MEGF8: variants seen among roughly 807,000 people sequenced by gnomAD.
MEGF8 encodes the protein multiple EGF like domains 8, also known as multiple epidermal growth factor-like domains protein 8.
Under a neutral mutation model 302.9 loss-of-function variants are expected in MEGF8, and 156 were observed. The observed-to-expected ratio is 0.52, with a 90% CI of 0.45 to 0.59. The LOEUF is 0.59. Among genes scored for constraint, MEGF8 ranks in the 20% least tolerant of loss-of-function variants. The probability of loss-of-function intolerance (pLI) is 0.00; values close to 1 mark genes in which losing one functional copy is unlikely to be tolerated. For missense variants in MEGF8, 3,345 were observed against 3,964.5 expected (o/e 0.84, Z 4.20); for synonymous variants, 1,621 against 1,660.5 (o/e 0.98, Z 0.58).
Position 42,356,909 on chromosome 19 carries a change from A to G in MEGF8, c.4758A>G (p.Gly1586=). 6.2e-7 allele frequency: 1 copy of G among 1,609,702 alleles called. No homozygotes were observed. Among genetic ancestry groups the G allele is most frequent in the Non-Finnish European group, 8.5e-7 (1 of 1,178,398 alleles). ...GTGGTGCCATGTATCTGCTGGGGGG[A>G]CTTACCGCTGGAGGCGTCACCCGTG... ...AGRGAMYLLG[G]LTAGGVTRDF... is the part of the protein sequence containing the mutation. Residue 1586 remains glycine, a synonymous_variant, in exon 27 of 42, where the codon GGA becomes GGG. Coordinates refer to ENST00000251268, the MANE Select transcript of MEGF8 (RefSeq NM_001271938.2). This position sits in a 1 kb window ranked among gnomAD's most constrained non-coding sequence, Gnocchi z 5.2.
Position 42,335,185 on chromosome 19 carries a change from T to A in MEGF8, c.709T>A (p.Ser237Thr), listed in dbSNP as rs559212665. The A allele has an allele frequency of 2.5e-6, 4 of 1,613,938 alleles. No homozygotes were observed. The African/African-American group carries it at 5.3e-5, about 22-fold the overall frequency. ...TATTGGGGCAGCTGGCGCCTTCCTG[T>A]CCCCACCAGGGCTGCTGGCAGTTTT... ...ARIGAAGAFLSPPGLLAVFGG... is the reference protein window; with the variant it reads ...ARIGAAGAFLTPPGLLAVFGG... Residue 237 changes from serine to threonine, a missense_variant, in exon 4 of 42, where the codon TCC becomes ACC. Transcript: ENST00000251268.
In MEGF8 at chr19:42,355,798, C is replaced by T. The variant is rs1401628613; in HGVS notation, c.4185C>T (p.Ser1395=). The T allele has an allele frequency of 2.5e-6, 4 of 1,580,488 alleles. No homozygotes were observed. Among genetic ancestry groups the T allele is most frequent in the South Asian group, 1.2e-5 (1 of 86,580 alleles). The change falls in exon 24 of 42, where the codon TCC becomes TCT. Residue 1395 remains serine (S), a synonymous_variant. Coordinates refer to ENST00000251268, the MANE Select transcript of MEGF8 (RefSeq NM_001271938.2). The part of the protein sequence containing the change: ...VLHWEANGSS[S]WGFNASVGSA... ...ACTGGGAGGCCAATGGCTCCTCATC[C>T]TGGGGCTTCAATGCTTCGGTGGGCT... is the stretch of plus-strand genomic sequence containing the variant.
chr19:42,346,725 C>A (rs556738166), intron 12 of MEGF8, among the ~76,000 whole-genome samples: 1 of 151,896 alleles, frequency 6.6e-6, no homozygotes, highest in East Asian at 1.9e-4. Flanking sequence ...TGGCTCACGC[C>A]GGTAATCCCA....
At chr19:42,337,243 G>A in intron 8 of MEGF8, 37 bp downstream of exon 8, 2 of 1,611,814 alleles carry the variant, frequency 1.2e-6, no homozygotes, top group Non-Finnish European at 8.5e-7. Flanking sequence ...GGCTCCTGAG[G>A]GTCCCACCTC....
chr19:42,350,489 G>A, intron 15 of MEGF8, 105 bp downstream of exon 15: 2 of 1,073,846 alleles, frequency 1.9e-6, no homozygotes, highest in Non-Finnish European at 1.3e-6. Flanking sequence ...AACAGCAAGG[G>A]CTTTTGGCCT....
At chr19:42,333,142 A>C (rs905778896) in intron 1 of MEGF8, among the ~76,000 whole-genome samples, 4 of 152,148 alleles carry the variant, frequency 2.6e-5, no homozygotes, top group Non-Finnish European at 5.9e-5. Flanking sequence ...TTGCAGCTCT[A>C]TTCAGCGTGG....
intron 8 of MEGF8, among the ~76,000 whole-genome samples, chr19:42,341,088 C>T (rs2039205815): frequency 6.6e-6 from 1 of 152,152 alleles, no homozygotes; most frequent in Non-Finnish European, 1.5e-5. Context: ...ACCTCTGCCT[C>T]CCAAGTGGTT....
At position 42,356,413 on chromosome 19, in the gene MEGF8, G is replaced by C. The variant is rs773233865; in HGVS notation, c.4582G>C (p.Gly1528Arg). Reference protein sequence around the residue: ...GPDATLWMFGGLGLPQGLLGN... With the variant: ...GPDATLWMFGRLGLPQGLLGN... ...CGATGCCACCTTGTGGATGTTTGGGGGCCTGGGCCTGCCCCAGGGGCTGCT... is the reference window on the plus strand; with the variant it reads ...CGATGCCACCTTGTGGATGTTTGGGCGCCTGGGCCTGCCCCAGGGGCTGCT... Residue 1528 changes from glycine to arginine, a missense_variant, in exon 26 of 42, where the codon GGC becomes CGC. By Grantham distance (125) the Gly-to-Arg change is moderately radical (BLOSUM62 -2). Coordinates refer to ENST00000251268, the MANE Select transcript of MEGF8 (RefSeq NM_001271938.2). This position sits in a 1 kb window ranked among gnomAD's most constrained non-coding sequence, Gnocchi z 5.2. 6.2e-7 allele frequency: 1 copy of C among 1,611,314 alleles called. No individual in the cohort carries two copies. The highest frequency in any genetic ancestry group is 8.5e-7 in the Non-Finnish European group (1 of 1,178,744).
chr19:42,371,319 G>C, intron 40 of MEGF8, 31 bp from the exon 41 acceptor site: 1 of 1,611,394 alleles, frequency 6.2e-7, no homozygotes, highest in Non-Finnish European at 8.5e-7. Flanking sequence ...GCAGGCCATG[G>C]GGGCTCCGTA....
intron 8 of MEGF8, among the ~76,000 whole-genome samples, chr19:42,341,429 CAAAAAA>C (rs35096733): frequency 1.8e-5 from 1 of 56,996 alleles, no homozygotes. Flanking sequence ...ACTCCATCTC[CAAAAAA>C]AAAAAAAAAA....
intron 31 of MEGF8, 34 bp downstream of exon 31, chr19:42,359,276 G>A (rs781222394): frequency 1.3e-6 from 2 of 1,509,914 alleles, no homozygotes; most frequent in South Asian, 1.3e-5. Context: ...GGAGGCTGAG[G>A]GACATCCAGG....
chr19:42,362,498 T>C lies in MEGF8; in HGVS notation c.5959T>C (p.Trp1987Arg), dbSNP rs144057511. The C allele has an allele frequency of 2.8e-5, 45 of 1,613,772 alleles. No homozygotes were observed. The highest frequency in any genetic ancestry group is 3.7e-5 in the Non-Finnish European group (44 of 1,179,886). The change falls in exon 34 of 42, where the codon TGG becomes CGG. Residue 1987 changes from tryptophan (W) to arginine (R), a missense_variant. By Grantham distance (101) the Trp-to-Arg change is moderately radical (BLOSUM62 -3). Coordinates refer to ENST00000251268, the MANE Select transcript of MEGF8 (RefSeq NM_001271938.2). ...TCGGATCAACCAGCGAGAGGTCTTC[T>C]GGGCAGGGAACTGCTCCGAGGCTGC... ...DCRINQREVF[W>R]AGNCSEAACG...
At chr19:42,341,818 A>G (rs930184921) in intron 8 of MEGF8, among the ~76,000 whole-genome samples, 7 of 152,136 alleles carry the variant, frequency 4.6e-5, no homozygotes, top group African/African-American at 1.7e-4. Context: ...AGATATGGAG[A>G]AACCTTTCAC....
chr19:42,332,978 C>T (rs1020460128), intron 1 of MEGF8, among the ~76,000 whole-genome samples: 5 of 152,170 alleles, frequency 3.3e-5, no homozygotes, highest in East Asian at 1.9e-4. Context: ...TATTTGGTGG[C>T]AGAGCCAAGA....
intron 8 of MEGF8, among the ~76,000 whole-genome samples, 186 bp downstream of exon 8, chr19:42,337,392 C>T (rs1389408923): frequency 6.6e-6 from 1 of 152,212 alleles, no homozygotes; most frequent in Non-Finnish European, 1.5e-5. Flanking sequence ...GATGGGAGGC[C>T]CTTACCGCAG....
intron 41 of MEGF8, among the ~76,000 whole-genome samples, chr19:42,374,062 C>T (rs2039730751): frequency 4.6e-5 from 7 of 152,092 alleles, no homozygotes; most frequent in Admixed American, 4.6e-4. Context: ...GCCAGGAGCG[C>T]CTGCCACAGA....
In MEGF8 at chr19:42,376,993, A is replaced by T. The variant is rs996740774; in HGVS notation, c.*218A>T. 1 of 472,266 alleles carries T rather than the reference A, an allele frequency of 2.1e-6. No homozygotes were observed. Among genetic ancestry groups the T allele is most frequent in the African/African-American group, 2.0e-5 (1 of 49,786 alleles). 29.3% of individuals were successfully genotyped at this position (472,266 alleles called of 1,614,324 possible). The stretch of plus-strand genomic sequence containing the variant: ...CACTGTCATAGGCGTGGGGCAAAGC[A>T]GGAACCAAGAGACGAGGTTCCCTGA... On this transcript the variant is annotated 3_prime_UTR_variant, in exon 42 of 42. Transcript: ENST00000251268. This position sits in a 1 kb window ranked among gnomAD's most constrained non-coding sequence, Gnocchi z 8.2.
chr19:42,361,357 A>G (rs74815027), intron 32 of MEGF8, among the ~76,000 whole-genome samples: 269 of 152,288 alleles, frequency 1.8e-3, no homozygotes, highest in African/African-American at 6.1e-3. Context: ...CCAGCTCCAC[A>G]GATCCTTCAG....
chr19:42,357,405 C>G lies in MEGF8; in HGVS notation c.4832C>G (p.Ala1611Gly), dbSNP rs779797232. 1.2e-6 allele frequency: 2 copies of G among 1,611,988 alleles called. No homozygotes were observed. The highest frequency in any genetic ancestry group is 3.3e-5 in the Admixed American group (2 of 59,960). ...TGACCTTGCCCCTCCATCCCTCAGG[C>G]CCCCCAGACCGTGGAGCTGCCAGCC... Reference protein sequence around the residue: ...LTTLQWRQEKAPQTVELPAVA... With the variant: ...LTTLQWRQEKGPQTVELPAVA... The change falls in exon 28 of 42, where the codon GCC becomes GGC. Residue 1611 changes from alanine (A) to glycine (G), a missense_variant and splice_region_variant. Transcript: ENST00000251268. The surrounding 1 kb of genome is among the most constrained non-coding windows in gnomAD (Gnocchi z 5.2).
Sources: allele counts gnomAD v4.1 joint callset (sites outside exome capture counted in the v4.1 genomes callset), GRCh38; gene constraint gnomAD v4.1.1; non-coding constraint Gnocchi (gnomAD v3.1); transcripts MANE v1.5; gene names NCBI Gene and HGNC (gene_info 2026-07-23, HGNC 2026-07-21).